Variants in ZNF285 observed in about 807,000 individuals in gnomAD.
ZNF285 encodes the protein zinc finger protein 285A.
In ZNF285, 4 loss-of-function variants were observed where a neutral mutation model predicts 6.2. The observed-to-expected ratio is 0.65, with a 90% CI of 0.32 to 1.49. The LOEUF is 1.49. ZNF285 is among the 40% of genes most tolerant of loss of function. The pLI is 0.07. For missense variants in ZNF285, 695 were observed against 708.8 expected, an observed-to-expected ratio of 0.98 and a Z score of 0.22; for synonymous variants, 240 against 245.8, an observed-to-expected ratio of 0.98 and a Z score of 0.22.
intron 2 of ZNF285, among the ~76,000 whole-genome samples, chr19:44,393,317 T>C (rs1971228526): frequency 6.6e-6 from 1 of 152,178 alleles, no homozygotes; most frequent in Non-Finnish European, 1.5e-5. Flanking sequence ...CACATTATGC[T>C]ATTCTTTCGT....
chr19:44,396,307 A>C (rs1971279538), intron 2 of ZNF285, among the ~76,000 whole-genome samples: 1 of 152,126 alleles, frequency 6.6e-6, no homozygotes, highest in Non-Finnish European at 1.5e-5. Context: ...TCATAATACC[A>C]TTTGCTCTTT....
chr19:44,398,887 G>A (rs1568390554), intron 1 of ZNF285, among the ~76,000 whole-genome samples: 1 of 152,108 alleles, frequency 6.6e-6, no homozygotes, highest in Non-Finnish European at 1.5e-5. Flanking sequence ...CACACTATCT[G>A]TGATAAAGGA....
chr19:44,397,865 CAG>C (rs1971309537), intron 1 of ZNF285, among the ~76,000 whole-genome samples: 1 of 144,094 alleles, frequency 6.9e-6, no homozygotes, highest in Admixed American at 7.1e-5. Flanking sequence ...GCAACAGAGA[CAG>C]ACTTTGTCTC....
At chr19:44,399,946 T>C (rs918860529) in intron 1 of ZNF285, among the ~76,000 whole-genome samples, 214 of 151,458 alleles carry the variant, frequency 1.4e-3, no homozygotes, top group Non-Finnish European at 2.5e-3. Context: ...TATGACCTGT[T>C]GTTTAGAAGG....
At position 44,388,061 on chromosome 19, in the gene ZNF285, C is replaced by T. The variant is rs758437967; in HGVS notation, c.184G>A (p.Gly62Arg). 1.2e-6 allele frequency: 2 copies of T among 1,613,770 alleles called. No individual in the cohort carries two copies. Among genetic ancestry groups the T allele is most frequent in the East Asian group, 4.5e-5 (2 of 44,882 alleles). The change falls in exon 4 of 4, where the codon GGG becomes AGG. Residue 62 changes from glycine (G) to arginine (R), a missense_variant. Physicochemically the swap from Gly to Arg is moderately radical, Grantham distance 125. Coordinates refer to ENST00000614994, the MANE Select transcript of ZNF285 (RefSeq NM_152354.6). Reference sequence around the variant, plus strand: ...ACTTCTTGCGAAAGGTAACTTAACCCCTTTGCCTGAAGATTCAAAATGTTG... The same window carrying T: ...ACTTCTTGCGAAAGGTAACTTAACCTCTTTGCCTGAAGATTCAAAATGTTG... ...KNNILNLQAK[G>R]LSYLSQEVLH... is the part of the protein sequence containing the mutation.
intron 3 of ZNF285, among the ~76,000 whole-genome samples, chr19:44,390,897 T>C (rs2123272248): frequency 6.6e-6 from 1 of 152,186 alleles, no homozygotes; most frequent in South Asian, 2.1e-4. Flanking sequence ...GGCTTGCACC[T>C]GTAATCCCAG....
At chr19:44,393,843 T>G (rs1971236790) in intron 2 of ZNF285, among the ~76,000 whole-genome samples, 1 of 152,080 alleles carries the variant, frequency 6.6e-6, no homozygotes, top group Admixed American at 6.6e-5. Context: ...ATTGTGGAAG[T>G]CAGTGTGGCG....
intron 3 of ZNF285, among the ~76,000 whole-genome samples, chr19:44,391,338 A>G (rs902041654): frequency 7.2e-5 from 11 of 152,042 alleles, no homozygotes; most frequent in Non-Finnish European, 1.3e-4. Flanking sequence ...CAGTGTGAAA[A>G]CAGAGTAATA....
intron 3 of ZNF285, among the ~76,000 whole-genome samples, chr19:44,390,094 A>G (rs1305741962): frequency 1.3e-5 from 2 of 152,026 alleles, no homozygotes; most frequent in Admixed American, 6.5e-5. Context: ...TAATTCCCAC[A>G]TGTCAGAGCC....
intron 1 of ZNF285, among the ~76,000 whole-genome samples, chr19:44,398,101 T>G (rs1971314848): frequency 6.6e-6 from 1 of 152,162 alleles, no homozygotes; most frequent in African/African-American, 2.4e-5. Flanking sequence ...ACCTTGACTC[T>G]TGGCTTCCTA....
At chr19:44,399,731 G>A (rs941499352) in intron 1 of ZNF285, among the ~76,000 whole-genome samples, 46 of 151,572 alleles carry the variant, frequency 3.0e-4, no homozygotes, top group Middle Eastern at 6.8e-3. Context: ...CGAACCAGAC[G>A]GCACATTGAA....
intron 1 of ZNF285, among the ~76,000 whole-genome samples, chr19:44,397,614 G>A (rs1971303915): frequency 6.6e-6 from 1 of 152,194 alleles, no homozygotes; most frequent in African/African-American, 2.4e-5. Context: ...GCTGGGCACA[G>A]TGGCTCACAC....
At chr19:44,401,471 T>A (rs1971375699) in intron 1 of ZNF285, 97 bp downstream of exon 1, 1 of 152,520 alleles carries the variant, frequency 6.6e-6, no homozygotes, top group Non-Finnish European at 1.5e-5. Flanking sequence ...CTTCCACTCC[T>A]CCTACTTCAG....
intron 2 of ZNF285, chr19:44,394,644 T>C (rs1971251518): frequency 4.1e-6 from 2 of 490,096 alleles, no homozygotes; most frequent in African/African-American, 4.0e-5. Flanking sequence ...TATGGCTGCA[T>C]ATATCGCACT....
chr19:44,394,952 T>C (rs1230104572), intron 2 of ZNF285, among the ~76,000 whole-genome samples: 3 of 152,292 alleles, frequency 2.0e-5, no homozygotes, highest in East Asian at 3.9e-4. Flanking sequence ...TGAAGCTTAC[T>C]TGGGGTGTTC....
At chr19:44,399,228 C>T (rs1270424919) in intron 1 of ZNF285, among the ~76,000 whole-genome samples, 1 of 146,868 alleles carries the variant, frequency 6.8e-6, no homozygotes, top group African/African-American at 2.7e-5. Context: ...CCTTTCCTAC[C>T]TTTAAGAGAC....
At position 44,386,768 on chromosome 19, in the gene ZNF285, A is replaced by G; in HGVS notation, c.1477T>C (p.Phe493Leu). ...PYKCEVCGKC[F>L]SYSSYFHLHQ... ...AAGTGAAAATATGAACTGTAACTGA[A>G]GCACTTTCCACACACTTCACATTTA... The change falls in exon 4 of 4, where the codon TTC becomes CTC. Residue 493 changes from phenylalanine to leucine, a missense_variant. Phe to Leu is a conservative substitution (Grantham distance 22). Transcript: ENST00000614994. 2 of 1,614,244 alleles carry G rather than the reference A, an allele frequency of 1.2e-6. No individual in the cohort carries two copies. Among genetic ancestry groups the G allele is most frequent in the South Asian group, 2.2e-5 (2 of 91,088 alleles).
chr19:44,394,272 G>T (rs1248305982), intron 2 of ZNF285, among the ~76,000 whole-genome samples: 5 of 151,920 alleles, frequency 3.3e-5, no homozygotes, highest in African/African-American at 1.2e-4. Context: ...GGGGTGGGGG[G>T]AGTGGGGAGG....
intron 1 of ZNF285, among the ~76,000 whole-genome samples, chr19:44,399,774 C>T (rs1599975687): frequency 1.3e-5 from 2 of 151,918 alleles, no homozygotes; most frequent in Admixed American, 1.3e-4. Flanking sequence ...AGACGGCTTA[C>T]AATGGTGTTG....
Sources: allele counts gnomAD v4.1 joint callset (sites outside exome capture counted in the v4.1 genomes callset), GRCh38; gene constraint gnomAD v4.1.1; transcripts MANE v1.5; gene names NCBI Gene and HGNC (gene_info 2026-07-23, HGNC 2026-07-21).